The following TENM3 variants were observed in gnomAD, a reference collection of about 807,000 sequenced individuals.
The protein encoded by TENM3 is teneurin-3.
Under a neutral mutation model 255.1 loss-of-function variants are expected in TENM3, and 63 were observed. That is an observed-to-expected ratio of 0.25 (90% CI 0.20 to 0.30). The LOEUF (loss-of-function observed/expected upper bound fraction) is 0.30. TENM3 is among the 10% of genes least tolerant of loss of function. The pLI is 1.00. For synonymous variants in TENM3, 1,306 were observed against 1,322.3 expected (o/e 0.99, Z 0.27); for missense variants, 2,929 against 3,461.1 (o/e 0.85, Z 3.86).
chr4:182,084,056 AT>A, the TENM3 span, among the ~76,000 whole-genome samples: 3 of 151,982 alleles, frequency 2.0e-5, no homozygotes, highest in Admixed American at 6.6e-5. Flanking sequence ...AAATTCTGCC[AT>A]TTTTTTTCTC....
rs117383588 is a variant in TENM3 at position 182,645,646 on chromosome 4, A to T, written c.989-8125A>T. On this transcript the variant is annotated intron_variant, in intron 5 of 27. Transcript: ENST00000511685. ...CATCTGAAGGCTCAGCTGGTGCTGC[A>T]GGATGTGCTTCCAAGCTCACACACA... is the stretch of plus-strand genomic sequence containing the variant. Among the ~76,000 whole-genome samples the T allele has an allele frequency of 6.9e-3, 1,047 of 152,286 alleles. 25 individuals carry two copies. The highest frequency in any genetic ancestry group is 0.056 in the East Asian group (288 of 5,168).
chr4:182,615,293 T>C (rs1032672746), intron 4 of TENM3, among the ~76,000 whole-genome samples: 5 of 142,454 alleles, frequency 3.5e-5, no homozygotes, highest in African/African-American at 9.8e-5. Flanking sequence ...GAAAAAAGAA[T>C]ATATAAAAAC....
At chr4:182,703,569 C>T (rs1758051398) in intron 12 of TENM3, among the ~76,000 whole-genome samples, 2 of 152,184 alleles carry the variant, frequency 1.3e-5, no homozygotes, top group Admixed American at 1.3e-4. Context: ...AAAGTGTATA[C>T]AAGTGGTAAA....
chr4:182,120,324 G>A, the TENM3 span, among the ~76,000 whole-genome samples: 1 of 152,136 alleles, frequency 6.6e-6, no homozygotes, highest in South Asian at 2.1e-4. Flanking sequence ...ATAGTAGGCT[G>A]TACTATCTAG....
upstream of TENM3, among the ~76,000 whole-genome samples, chr4:182,239,599 C>T (rs1258346760): frequency 1.3e-5 from 2 of 152,056 alleles, no homozygotes; most frequent in Admixed American, 1.3e-4. Context: ...GGTTATCTTG[C>T]AGGAAAAAGA....
chr4:181,615,654 G>A, the TENM3 span, among the ~76,000 whole-genome samples: 1 of 152,138 alleles, frequency 6.6e-6, no homozygotes, highest in Non-Finnish European at 1.5e-5. Context: ...TACACCAGCC[G>A]TGCTCCTACT....
intron 5 of TENM3, among the ~76,000 whole-genome samples, chr4:182,639,524 T>C (rs1752119903): frequency 6.6e-6 from 1 of 152,214 alleles, no homozygotes; most frequent in East Asian, 1.9e-4. Flanking sequence ...CAGTGACTTG[T>C]CCAGTCAGCA....
chr4:181,568,754 C>T, the TENM3 span, among the ~76,000 whole-genome samples: 1 of 152,160 alleles, frequency 6.6e-6, no homozygotes, highest in Non-Finnish European at 1.5e-5. Context: ...ACAAACAGAT[C>T]CCACTTCCCT....
chr4:182,175,317 AT>A (rs1449599603), intron 1 of TENM3, among the ~76,000 whole-genome samples: 127 of 57,352 alleles, frequency 2.2e-3, no homozygotes, highest in African/African-American at 6.3e-3. Flanking sequence ...AAAAAAAAAT[AT>A]ATATATATAT....
At chr4:182,421,025 G>A (rs1770796607) in intron 3 of TENM3, among the ~76,000 whole-genome samples, 1 of 152,144 alleles carries the variant, frequency 6.6e-6, no homozygotes, top group Admixed American at 6.6e-5. Context: ...CAGAGATTGA[G>A]ATGGTTTCAT....
the TENM3 span, among the ~76,000 whole-genome samples, chr4:182,117,060 A>T: frequency 6.6e-6 from 1 of 152,178 alleles, no homozygotes; most frequent in African/African-American, 2.4e-5. Flanking sequence ...ATATCTTTTC[A>T]TATGCCTACT....
At chr4:181,829,885 A>G in the TENM3 span, 1 of 152,234 alleles carries the variant, frequency 6.6e-6, no homozygotes, top group African/African-American at 2.4e-5. Context: ...TTGCCTGCTC[A>G]TGGTTACGTT....
At chr4:181,534,226 A>C in the TENM3 span, among the ~76,000 whole-genome samples, 1 of 135,438 alleles carries the variant, frequency 7.4e-6, no homozygotes, top group African/African-American at 2.8e-5. Context: ...CAAGACTGAG[A>C]CTCCACCTCA....
chr4:182,571,283 TG>T (rs1744332613), intron 3 of TENM3, among the ~76,000 whole-genome samples: 1 of 152,172 alleles, frequency 6.6e-6, no homozygotes, highest in Non-Finnish European at 1.5e-5. Flanking sequence ...CCCAGCACTT[TG>T]GGAGGCCAAG....
the TENM3 span, among the ~76,000 whole-genome samples, chr4:181,496,599 TA>T: frequency 7.2e-5 from 11 of 152,256 alleles, no homozygotes; most frequent in African/African-American, 2.4e-4. Flanking sequence ...TGCTCCTTTT[TA>T]AAAAAAATCA....
chr4:182,165,442 C>T (rs1233999282), intron 1 of TENM3, among the ~76,000 whole-genome samples: 1 of 152,172 alleles, frequency 6.6e-6, no homozygotes, highest in Non-Finnish European at 1.5e-5. Context: ...TTGTGGCTGC[C>T]TCTATGGTTT....
At chr4:181,965,291 A>C in the TENM3 span, among the ~76,000 whole-genome samples, 1 of 152,204 alleles carries the variant, frequency 6.6e-6, no homozygotes, top group Non-Finnish European at 1.5e-5. Flanking sequence ...AAAGAAAGCC[A>C]CAGGACTTCT....
intron 4 of TENM3, among the ~76,000 whole-genome samples, chr4:182,624,395 A>G (rs1561021508): frequency 6.6e-6 from 1 of 152,134 alleles, no homozygotes; most frequent in African/African-American, 2.4e-5. Flanking sequence ...GTTTCTCTAC[A>G]CGCAGCTTTG....
intron 3 of TENM3, among the ~76,000 whole-genome samples, chr4:182,391,820 GT>G (rs1321602054): frequency 1.3e-5 from 2 of 151,962 alleles, no homozygotes; most frequent in Non-Finnish European, 2.9e-5. Flanking sequence ...TTTGCTCTAT[GT>G]TTCTGAACTT....
Sources: gnomAD v4.1 joint callset for allele counts (sites outside exome capture counted in the v4.1 genomes callset) on GRCh38, gnomAD v4.1.1 for gene constraint, MANE v1.5 for transcripts, NCBI Gene and HGNC (gene_info 2026-07-23, HGNC 2026-07-21) for gene names.